The following STAT5B variants were observed in gnomAD, a reference collection of about 807,000 sequenced individuals.
STAT5B encodes the protein signal transducer and activator of transcription 5B.
Under a neutral mutation model 107.8 loss-of-function variants are expected in STAT5B, and 21 were observed. That is an observed-to-expected ratio of 0.19 (90% CI 0.14 to 0.28). The LOEUF (loss-of-function observed/expected upper bound fraction) is 0.28, where lower values mean the gene tolerates loss of function less well. STAT5B is among the 10% of genes least tolerant of loss of function. STAT5B has a pLI of 1.00. For synonymous variants in STAT5B, 325 were observed against 401.7 expected, an observed-to-expected ratio of 0.81 and a Z score of 2.28; for missense variants, 565 against 1,008.2, an observed-to-expected ratio of 0.56 and a Z score of 5.95.
At chr17:42,235,711 C>G (rs1474111600) in intron 1 of STAT5B, among the ~76,000 whole-genome samples, 3 of 152,148 alleles carry the variant, frequency 2.0e-5, no homozygotes, top group Non-Finnish European at 4.4e-5. Context: ...CTCCTGACCT[C>G]GTGATCTGCC....
At chr17:42,259,094 A>G (rs1370091500) in intron 1 of STAT5B, among the ~76,000 whole-genome samples, 2 of 152,242 alleles carry the variant, frequency 1.3e-5, no homozygotes, top group East Asian at 1.9e-4. Context: ...CAAAACAAAA[A>G]TAACAAAACA....
chr17:42,201,988 A>T, intron 18 of STAT5B, 124 bp from the exon 19 acceptor site: 2 of 903,610 alleles, frequency 2.2e-6, no homozygotes, highest in South Asian at 3.0e-5. Context: ...GCTTCATGGG[A>T]AAAGAACAAC....
intron 3 of STAT5B, 135 bp downstream of exon 3, chr17:42,227,392 AAG>A: frequency 7.9e-6 from 10 of 1,265,492 alleles, no homozygotes; most frequent in South Asian, 4.6e-5. Context: ...AAAAAAAAAA[AAG>A]ACCAAAACCA....
At chr17:42,252,735 T>C (rs1255167369) in intron 1 of STAT5B, among the ~76,000 whole-genome samples, 1 of 152,142 alleles carries the variant, frequency 6.6e-6, no homozygotes, top group Non-Finnish European at 1.5e-5. Context: ...GTAAACATAA[T>C]AGCAAGTTGT....
intron 16 of STAT5B, chr17:42,203,054 T>C (rs2080058632): frequency 3.8e-6 from 2 of 526,002 alleles, no homozygotes; most frequent in Non-Finnish European, 7.0e-6. Flanking sequence ...ATGATTCCGA[T>C]GCCTCAGCCT....
At chr17:42,220,280 G>C (rs747410685) in intron 5 of STAT5B, among the ~76,000 whole-genome samples, 1 of 152,148 alleles carries the variant, frequency 6.6e-6, no homozygotes, top group Non-Finnish European at 1.5e-5. Flanking sequence ...GGAGATTCTC[G>C]GCACCTGCCT....
rs1277056747 is a variant in STAT5B at position 42,201,524 on chromosome 17, G to A, written c.*214C>T. The A allele has an allele frequency of 5.0e-5, 31 of 617,378 alleles. No individual in the cohort carries two copies. Among genetic ancestry groups the A allele is most frequent in the East Asian group, 1.9e-4 (7 of 35,952 alleles). 38.2% of individuals were successfully genotyped at this position (617,378 alleles called of 1,614,324 possible). ...GAGAAACACCATAACGTGCAAACAC[G>A]CACACACACACACACACACACACAC... On this transcript the variant is annotated 3_prime_UTR_variant, in exon 19 of 19. Coordinates refer to ENST00000293328, the MANE Select transcript of STAT5B (RefSeq NM_012448.4).
intron 1 of STAT5B, among the ~76,000 whole-genome samples, chr17:42,265,280 G>A (rs1456876466): frequency 2.0e-5 from 3 of 151,948 alleles, no homozygotes; most frequent in African/African-American, 7.3e-5. Flanking sequence ...TGAAGTCCTT[G>A]CCCATGCCTA....
chr17:42,217,931 C>A (rs1321281143), intron 9 of STAT5B: 1 of 696,398 alleles, frequency 1.4e-6, no homozygotes, highest in African/African-American at 1.8e-5. Flanking sequence ...GTCTTGAACT[C>A]CTGACCTCAG....
intron 2 of STAT5B, among the ~76,000 whole-genome samples, chr17:42,230,821 C>T (rs2080311517): frequency 6.6e-6 from 1 of 151,998 alleles, no homozygotes; most frequent in Admixed American, 6.6e-5. Context: ...TCACCACGCC[C>T]AACTAATTTT....
chr17:42,210,523 T>C, intron 13 of STAT5B, 26 bp from the exon 14 acceptor site: 1 of 1,579,888 alleles, frequency 6.3e-7, no homozygotes, highest in Non-Finnish European at 8.7e-7. Flanking sequence ...ACAGTGAACA[T>C]AAGAACACCA....
At chr17:42,255,429 T>C (rs1168259999) in intron 1 of STAT5B, among the ~76,000 whole-genome samples, 1 of 152,206 alleles carries the variant, frequency 6.6e-6, no homozygotes, top group Non-Finnish European at 1.5e-5. Flanking sequence ...TGTCTTTGCA[T>C]ACTCATTGCA....
chr17:42,276,397 T>G (rs1010584559), upstream of STAT5B: 4 of 146,040 alleles, frequency 2.7e-5, no homozygotes, highest in Non-Finnish European at 6.1e-5. This position sits in a 1 kb window ranked among gnomAD's most constrained non-coding sequence, Gnocchi z 4.8. Flanking sequence ...CCGCCGACTC[T>G]CCTCCCGCCG....
At chr17:42,258,653 T>A (rs2080568167) in intron 1 of STAT5B, among the ~76,000 whole-genome samples, 1 of 152,248 alleles carries the variant, frequency 6.6e-6, no homozygotes, top group African/African-American at 2.4e-5. Flanking sequence ...CACTCCAGCC[T>A]GGGAAACAGA....
At chr17:42,274,513 C>G (rs997237031) in intron 1 of STAT5B, among the ~76,000 whole-genome samples, 3 of 152,140 alleles carry the variant, frequency 2.0e-5, no homozygotes. Flanking sequence ...TTAGCCATGT[C>G]CATTCTAACA....
chr17:42,255,053 T>C (rs965180883), intron 1 of STAT5B, among the ~76,000 whole-genome samples: 2 of 152,072 alleles, frequency 1.3e-5, no homozygotes, highest in South Asian at 2.1e-4. Context: ...ATCGTGCCAC[T>C]GCACTCCAGC....
intron 1 of STAT5B, among the ~76,000 whole-genome samples, chr17:42,274,110 G>A (rs1036246530): frequency 6.6e-6 from 1 of 151,846 alleles, no homozygotes. Context: ...TTAATATCCC[G>A]TGGGCAAAAA....
intron 1 of STAT5B, among the ~76,000 whole-genome samples, chr17:42,249,409 A>C (rs2080479513): frequency 1.3e-5 from 2 of 152,090 alleles, no homozygotes; most frequent in Admixed American, 1.3e-4. Flanking sequence ...AATAAAAAGA[A>C]AAAGAAGATG....
intron 1 of STAT5B, among the ~76,000 whole-genome samples, chr17:42,274,016 A>C (rs1205373999): frequency 6.6e-6 from 1 of 152,050 alleles, no homozygotes; most frequent in African/African-American, 2.4e-5. Flanking sequence ...ATGTTGTAAC[A>C]CTCCAAACGA....
Sources: allele counts gnomAD v4.1 joint callset (sites outside exome capture counted in the v4.1 genomes callset), GRCh38; gene constraint gnomAD v4.1.1; non-coding constraint Gnocchi (gnomAD v3.1); transcripts MANE v1.5; gene names NCBI Gene and HGNC (gene_info 2026-07-23, HGNC 2026-07-21).